WDR7: variants seen among roughly 807,000 people sequenced by gnomAD.
The protein encoded by WDR7 is WD repeat-containing protein 7.
A neutral mutation model predicts 169.4 loss-of-function variants in WDR7; 46 were observed. That is an observed-to-expected ratio of 0.27 (90% confidence interval 0.21 to 0.35). WDR7 has a LOEUF of 0.35. Among genes scored for constraint, WDR7 ranks in the 10% least tolerant of loss-of-function variants. WDR7 has a pLI of 1.00. For synonymous variants in WDR7, 612 were observed against 666.8 expected (o/e 0.92, Z 1.27); for missense variants, 1,534 against 1,859.3 (o/e 0.83, Z 3.22).
chr18:56,999,688 T>A (rs889206492), intron 26 of WDR7, among the ~76,000 whole-genome samples: 2 of 151,948 alleles, frequency 1.3e-5, no homozygotes, highest in Admixed American at 1.3e-4. Context: ...TAAGGAAAAA[T>A]AACAGAAACT....
chr18:56,734,705 C>T (rs1171427124), intron 14 of WDR7, among the ~76,000 whole-genome samples: 4 of 152,036 alleles, frequency 2.6e-5, no homozygotes, highest in Admixed American at 6.6e-5. Flanking sequence ...TTTATGCTCA[C>T]ATTTTTTTTG....
Position 56,725,431 on chromosome 18 carries a change from G to T in WDR7, c.1775-5952G>T, listed in dbSNP as rs996298808. 7.9e-5 allele frequency among the ~76,000 whole-genome samples: 12 copies of T among 151,970 alleles called. No individual in the cohort carries two copies. In the East Asian group the frequency reaches 1.4e-3, roughly 17 times the overall value. ...ATGATGAGCATTTTTTCATGTGTCT[G>T]TTGGCTGTATAAATGTCTTCTTTTG... On this transcript the variant is annotated intron_variant, in intron 13 of 27. Coordinates refer to ENST00000254442, the MANE Select transcript of WDR7 (RefSeq NM_015285.3).
At chr18:56,815,867 G>A (rs1258211574) in intron 19 of WDR7, among the ~76,000 whole-genome samples, 164 bp from the exon 20 acceptor site, 1 of 152,120 alleles carries the variant, frequency 6.6e-6, no homozygotes, top group African/African-American at 2.4e-5. Context: ...TAGAGCACAC[G>A]TGAATGTTTT....
Position 56,885,585 on chromosome 18 carries a change from G to A in WDR7, c.3526+5420G>A, listed in dbSNP as rs576456458. Among the ~76,000 whole-genome samples, 80 of 151,982 alleles carry A rather than the reference G, an allele frequency of 5.3e-4. No individual in the cohort carries two copies. The South Asian group carries it at 0.011, about 20-fold the overall frequency. ...CATGCCTGTAATCCCAGCACTTTGG[G>A]AGGCCCAGGCGGGCGGATCACGAGG... On this transcript the variant is annotated intron_variant, in intron 21 of 27. Coordinates refer to ENST00000254442, the MANE Select transcript of WDR7 (RefSeq NM_015285.3).
intron 20 of WDR7, among the ~76,000 whole-genome samples, chr18:56,847,509 T>C (rs138247354): frequency 1.1e-4 from 17 of 152,266 alleles, no homozygotes; most frequent in African/African-American, 4.1e-4. Context: ...AACCACTTGC[T>C]AGAGAGGTTA....
At chr18:56,906,682 T>C (rs1489941047) in intron 21 of WDR7, among the ~76,000 whole-genome samples, 2 of 152,054 alleles carry the variant, frequency 1.3e-5, no homozygotes, top group Non-Finnish European at 2.9e-5. Flanking sequence ...TAGCTGGGAT[T>C]ACAGACATGT....
At chr18:56,932,963 G>A (rs540283478) in intron 22 of WDR7, among the ~76,000 whole-genome samples, 1 of 151,892 alleles carries the variant, frequency 6.6e-6, no homozygotes, top group Admixed American at 6.6e-5. Context: ...GAAAAGAACC[G>A]GAGAAGGGAT....
chr18:56,657,936 T>C (rs1045852116), intron 1 of WDR7, among the ~76,000 whole-genome samples: 4 of 152,126 alleles, frequency 2.6e-5, no homozygotes, highest in African/African-American at 9.7e-5. Flanking sequence ...TACAGGGGTT[T>C]TTTTTTTTGG....
intron 14 of WDR7, among the ~76,000 whole-genome samples, chr18:56,735,679 A>T (rs1016914317): frequency 2.6e-5 from 4 of 152,282 alleles, no homozygotes; most frequent in Non-Finnish European, 5.9e-5. Flanking sequence ...TGGAACAAAG[A>T]TTGACAAACT....
intron 20 of WDR7, among the ~76,000 whole-genome samples, chr18:56,816,525 AT>A (rs1465045891): frequency 2.9e-4 from 44 of 152,230 alleles, no homozygotes; most frequent in Non-Finnish European, 4.4e-5. Context: ...TTTAATCACA[AT>A]ATATACAATA....
At chr18:56,778,858 G>T (rs1006772757) in intron 17 of WDR7, among the ~76,000 whole-genome samples, 1 of 152,194 alleles carries the variant, frequency 6.6e-6, no homozygotes, top group South Asian at 2.1e-4. Context: ...CAAATTGGGG[G>T]TTATGTTACT....
chr18:56,943,980 G>T (rs2047066245), intron 25 of WDR7, among the ~76,000 whole-genome samples: 1 of 135,932 alleles, frequency 7.4e-6, no homozygotes. Context: ...TATGTTTTGT[G>T]GGTTTTTTTT....
At chr18:57,008,130 C>T (rs2048091782) in intron 26 of WDR7, among the ~76,000 whole-genome samples, 1 of 152,146 alleles carries the variant, frequency 6.6e-6, no homozygotes, top group African/African-American at 2.4e-5. Context: ...CTATCCGCCG[C>T]GCCCTCCCCA....
intron 12 of WDR7, among the ~76,000 whole-genome samples, chr18:56,708,190 C>A (rs1022157281): frequency 2.6e-5 from 4 of 151,900 alleles, no homozygotes; most frequent in African/African-American, 9.7e-5. Flanking sequence ...CTCGCCAACA[C>A]ACTCAGTAAA....
chr18:56,850,621 T>A (rs1462827332), intron 20 of WDR7, among the ~76,000 whole-genome samples: 1 of 152,150 alleles, frequency 6.6e-6, no homozygotes, highest in African/African-American at 2.4e-5. Flanking sequence ...GCAATCCTCT[T>A]GCCTTAGCCT....
chr18:56,760,670 G>T (rs180907682), intron 16 of WDR7, among the ~76,000 whole-genome samples: 2 of 152,208 alleles, frequency 1.3e-5, no homozygotes, highest in East Asian at 3.9e-4. Context: ...CATATTATAA[G>T]CGTTTCTGTT....
intron 21 of WDR7, among the ~76,000 whole-genome samples, chr18:56,884,889 T>A (rs2145498524): frequency 6.6e-6 from 1 of 152,340 alleles, no homozygotes; most frequent in Middle Eastern, 3.4e-3. Flanking sequence ...AGAGTCTATT[T>A]CACTCCCTGG....
intron 20 of WDR7, among the ~76,000 whole-genome samples, chr18:56,865,998 A>C (rs2045878238): frequency 6.6e-6 from 1 of 152,170 alleles, no homozygotes; most frequent in Admixed American, 6.5e-5. Context: ...TTGAAGATAC[A>C]TAATAGAGAT....
chr18:56,900,359 C>T (rs1456669795), intron 21 of WDR7, among the ~76,000 whole-genome samples: 1 of 151,888 alleles, frequency 6.6e-6, no homozygotes, highest in East Asian at 1.9e-4. Flanking sequence ...AAAGTTGGTT[C>T]CCATTCATTC....
Sources: gnomAD v4.1 joint callset for allele counts (sites outside exome capture counted in the v4.1 genomes callset) on GRCh38, gnomAD v4.1.1 for gene constraint, MANE v1.5 for transcripts, NCBI Gene and HGNC (gene_info 2026-07-23, HGNC 2026-07-21) for gene names.